Variants in ZNF362 observed in about 807,000 individuals in gnomAD.
ZNF362 encodes rotund homolog.
A neutral mutation model predicts 42.9 loss-of-function variants in ZNF362; 11 were observed. That is an observed-to-expected ratio of 0.26 (90% CI 0.16 to 0.42). ZNF362 has a LOEUF of 0.42. Ranked by LOEUF, ZNF362 falls within the 20% of genes least tolerant of loss-of-function variation. ZNF362 has a pLI of 1.00. For synonymous variants in ZNF362, 255 were observed against 257.3 expected, an observed-to-expected ratio of 0.99 and a Z score of 0.09; for missense variants, 362 against 576.2, an observed-to-expected ratio of 0.63 and a Z score of 3.81.
At chr1:33,253,110 A>G (rs1396653242), upstream of ZNF362, among the ~76,000 whole-genome samples, 1 of 151,290 alleles carries the variant, frequency 6.6e-6, no homozygotes, top group African/African-American at 2.4e-5. Context: ...AGTATTCACT[A>G]CAGAGATGAG....
chr1:33,186,088 CA>C, the ZNF362 span, among the ~76,000 whole-genome samples: 1 of 152,082 alleles, frequency 6.6e-6, no homozygotes, highest in Non-Finnish European at 1.5e-5. Context: ...TTGTAACCTT[CA>C]AATCAATACT....
At chr1:33,133,370 A>T in the ZNF362 span, among the ~76,000 whole-genome samples, 1 of 152,222 alleles carries the variant, frequency 6.6e-6, no homozygotes, top group Non-Finnish European at 1.5e-5. Flanking sequence ...CAGATCTGAT[A>T]GGGCCTTTCC....
chr1:33,242,324 C>T, the ZNF362 span, among the ~76,000 whole-genome samples: 6 of 152,122 alleles, frequency 3.9e-5, no homozygotes, highest in South Asian at 1.0e-3. Context: ...GTACAGTGAC[C>T]GTGGTGTCAC....
chr1:33,283,223 G>A (rs1570402281), intron 6 of ZNF362, among the ~76,000 whole-genome samples: 1 of 152,192 alleles, frequency 6.6e-6, no homozygotes, highest in Non-Finnish European at 1.5e-5. Context: ...TGCCTCCTCA[G>A]CTTCCCAAGT....
At chr1:33,285,077 T>C (rs1383079682) in intron 6 of ZNF362, among the ~76,000 whole-genome samples, 1 of 152,202 alleles carries the variant, frequency 6.6e-6, no homozygotes, top group East Asian at 1.9e-4. Context: ...TGGAGGACAA[T>C]GGAGTCCTCT....
At chr1:33,147,413 TGTACTG>T in the ZNF362 span, 1 of 1,614,114 alleles carries the variant, frequency 6.2e-7, no homozygotes, top group East Asian at 2.2e-5. The surrounding 1 kb of genome is among the most constrained non-coding windows in gnomAD (Gnocchi z 8.1). Flanking sequence ...GTGCAGGCGC[TGTACTG>T]GTTGCCATCG....
At chr1:33,284,959 G>A (rs1282962987) in intron 6 of ZNF362, among the ~76,000 whole-genome samples, 1 of 152,168 alleles carries the variant, frequency 6.6e-6, no homozygotes, top group Non-Finnish European at 1.5e-5. Flanking sequence ...GTCTTTTCTA[G>A]CTCAAAGCAG....
At chr1:33,183,088 C>A in the ZNF362 span, among the ~76,000 whole-genome samples, 1 of 152,188 alleles carries the variant, frequency 6.6e-6, no homozygotes, top group South Asian at 2.1e-4. Context: ...AAAGACTGGG[C>A]ACCCCTAAGG....
chr1:33,255,374 G>A (rs1017271473), upstream of ZNF362, among the ~76,000 whole-genome samples: 1 of 152,222 alleles, frequency 6.6e-6, no homozygotes, highest in Non-Finnish European at 1.5e-5. Flanking sequence ...GCCCTTCCCG[G>A]GGGACTGTGC....
chr1:33,165,633 A>G, the ZNF362 span: 1 of 1,389,870 alleles, frequency 7.2e-7, no homozygotes, highest in Non-Finnish European at 9.7e-7. The surrounding 1 kb of genome is among the most constrained non-coding windows in gnomAD (Gnocchi z 4.0). Flanking sequence ...AGCCCTGACC[A>G]CTGCCAGGCG....
At chr1:33,152,028 T>C in the ZNF362 span, among the ~76,000 whole-genome samples, 1 of 152,228 alleles carries the variant, frequency 6.6e-6, no homozygotes, top group Non-Finnish European at 1.5e-5. Flanking sequence ...CCCTCAGATG[T>C]ACAGGGCAGA....
At chr1:33,271,498 A>G (rs937427780) in intron 2 of ZNF362, among the ~76,000 whole-genome samples, 6 of 152,230 alleles carry the variant, frequency 3.9e-5, no homozygotes, top group Non-Finnish European at 8.8e-5. Context: ...GCCTTGCCCA[A>G]GATCACACAG....
At chr1:33,196,040 T>G in the ZNF362 span, 1 of 152,210 alleles carries the variant, frequency 6.6e-6, no homozygotes, top group Non-Finnish European at 1.5e-5. Flanking sequence ...TTTGTATTTT[T>G]TAAATTATTA....
At chr1:33,183,968 G>A in the ZNF362 span, among the ~76,000 whole-genome samples, 19 of 151,866 alleles carry the variant, frequency 1.3e-4, no homozygotes, top group African/African-American at 3.4e-4. Flanking sequence ...ATATACTGAC[G>A]TGCACCCCTA....
the ZNF362 span, among the ~76,000 whole-genome samples, chr1:33,169,747 C>G: frequency 3.9e-5 from 6 of 152,208 alleles, no homozygotes; most frequent in Admixed American, 6.5e-5. Flanking sequence ...TTCAGCTCCT[C>G]GGTTGCACTG....
chr1:33,140,010 G>C, the ZNF362 span, among the ~76,000 whole-genome samples: 1 of 152,314 alleles, frequency 6.6e-6, no homozygotes, highest in African/African-American at 2.4e-5. The surrounding 1 kb of genome is among the most constrained non-coding windows in gnomAD (Gnocchi z 4.0). Context: ...CAGTAAGCCA[G>C]TTAACCTGAG....
the ZNF362 span, among the ~76,000 whole-genome samples, chr1:33,202,801 G>T: frequency 6.6e-6 from 1 of 151,964 alleles, no homozygotes; most frequent in Non-Finnish European, 1.5e-5. Flanking sequence ...CAATGTGCTA[G>T]GAACAATAGT....
the ZNF362 span, among the ~76,000 whole-genome samples, chr1:33,246,279 A>G: frequency 6.6e-6 from 1 of 152,144 alleles, no homozygotes; most frequent in Non-Finnish European, 1.5e-5. Flanking sequence ...GGGACCAGGC[A>G]GGGGAATGCT....
Position 33,265,811 on chromosome 1 carries a change from CT to C in ZNF362, c.-88-4675del, listed in dbSNP as rs376631788. On this transcript the variant is annotated intron_variant, in intron 1 of 8. Coordinates refer to ENST00000539719, the MANE Select transcript of ZNF362 (RefSeq NM_152493.3). ...TGCTCAGGGACCTCCCATGTCCCCC[CT>C]ATGTTCTTTCACCGGAGCACCTTAG... is the stretch of plus-strand genomic sequence containing the variant. 5.3e-5 allele frequency among the ~76,000 whole-genome samples: 8 copies of C among 152,286 alleles called. No homozygotes were observed. The East Asian group carries it at 1.4e-3, about 26-fold the overall frequency.
Sources: allele counts gnomAD v4.1 joint callset (sites outside exome capture counted in the v4.1 genomes callset), GRCh38; gene constraint gnomAD v4.1.1; non-coding constraint Gnocchi (gnomAD v3.1); transcripts MANE v1.5; gene names NCBI Gene and HGNC (gene_info 2026-07-23, HGNC 2026-07-21).